Variants in USP4 observed in about 807,000 individuals in gnomAD.
USP4 encodes ubiquitin carboxyl-terminal hydrolase 4.
USP4 carries 72 observed loss-of-function variants against 118.2 expected under a neutral mutation model. The observed-to-expected ratio is 0.61, with a 90% CI of 0.50 to 0.74. The LOEUF is 0.74. Among genes scored for constraint, USP4 ranks in the 30% least tolerant of loss-of-function variants. The pLI is 0.00. For synonymous variants in USP4, 415 were observed against 440.4 expected, an observed-to-expected ratio of 0.94 and a Z score of 0.72; for missense variants, 1,037 against 1,185.7, an observed-to-expected ratio of 0.87 and a Z score of 1.84.
chr3:49,292,207 G>A (rs2047158751), intron 15 of USP4, among the ~76,000 whole-genome samples: 1 of 150,132 alleles, frequency 6.7e-6, no homozygotes, highest in African/African-American at 2.5e-5. Context: ...AATCACTTAA[G>A]CCCAAGAGTC....
At chr3:49,323,463 T>A (rs2047521986) in intron 6 of USP4, among the ~76,000 whole-genome samples, 1 of 152,070 alleles carries the variant, frequency 6.6e-6, no homozygotes, top group African/African-American at 2.4e-5. Flanking sequence ...AAGTCCCTTT[T>A]GCCATGTCAC....
chr3:49,285,092 G>A (rs2047079186), intron 16 of USP4, among the ~76,000 whole-genome samples, 173 bp from the exon 17 acceptor site: 1 of 152,002 alleles, frequency 6.6e-6, no homozygotes, highest in African/African-American at 2.4e-5. Context: ...CTGACCCCCA[G>A]CCCCAAAAAG....
intron 10 of USP4, among the ~76,000 whole-genome samples, 158 bp downstream of exon 10, chr3:49,302,226 C>T (rs1339611881): frequency 6.6e-6 from 1 of 151,470 alleles, no homozygotes; most frequent in Non-Finnish European, 1.5e-5. Context: ...CTACAGTTAG[C>T]CCCTTTCTGA....
chr3:49,339,948 G>C lies in USP4; in HGVS notation c.77C>G (p.Thr26Ser). The change falls in exon 1 of 22, where the codon ACC (threonine) becomes AGC (serine). Residue 26 changes from threonine (T) to serine (S), a missense_variant. Physicochemically the swap from Thr to Ser is moderately conservative, Grantham distance 58. This residue lies in a region of USP4 where 487 missense variants were observed against 534.1 expected (regional missense o/e 0.91). Transcript: ENST00000265560. ...QKSELGPLMR[T>S]TLQRGAQWYL... ...CCACTGCGCCCCGCGTTGGAGTGTG[G>C]TCCTCATTAAGGGTCCAAGCTCGGA... The C allele has an allele frequency of 6.2e-7, 1 of 1,613,264 alleles. No homozygotes were observed. Among genetic ancestry groups the C allele is most frequent in the Non-Finnish European group, 8.5e-7 (1 of 1,179,888 alleles).
intron 1 of USP4, among the ~76,000 whole-genome samples, chr3:49,337,202 C>T (rs546834062): frequency 2.0e-5 from 3 of 151,932 alleles, no homozygotes; most frequent in South Asian, 2.1e-4. Flanking sequence ...CACTTGCACC[C>T]GGAAGACAGA....
intron 6 of USP4, among the ~76,000 whole-genome samples, chr3:49,322,228 C>A (rs1452831191): frequency 6.6e-6 from 1 of 152,202 alleles, no homozygotes; most frequent in East Asian, 1.9e-4. Flanking sequence ...TTATGCCCTG[C>A]TCTGTGTCTA....
chr3:49,296,761 T>A (rs959360920), intron 13 of USP4, among the ~76,000 whole-genome samples: 1 of 152,270 alleles, frequency 6.6e-6, no homozygotes, highest in Non-Finnish European at 1.5e-5. Flanking sequence ...GGTTGGCCCA[T>A]AGGCCCTCTG....
Position 49,286,289 on chromosome 3 carries a change from C to T in USP4, c.2009G>A (p.Gly670Asp). The change falls in exon 16 of 22, where the codon GGC becomes GAC. Residue 670 changes from glycine to aspartate, a missense_variant. By Grantham distance (94) the Gly-to-Asp change is moderately conservative. Around this residue, in one of 3 missense-constraint regions of USP4, gnomAD observed 522 missense variants for 592.6 expected, o/e 0.88. Transcript: ENST00000265560. Reference protein sequence around the residue: ...DEEEMEHQEEGKEQLSETEGS... With the variant: ...DEEEMEHQEEDKEQLSETEGS... ...TTCTGTTTCTGAAAGCTGCTCTTTG[C>T]CTTCTTCCTGATGCTCCATTTCTTC... The T allele has an allele frequency of 6.2e-7, 1 of 1,614,124 alleles. No homozygotes were observed. Among genetic ancestry groups the T allele is most frequent in the South Asian group, 1.1e-5 (1 of 91,082 alleles).
At chr3:49,323,219 G>C (rs957459060) in intron 6 of USP4, among the ~76,000 whole-genome samples, 7 of 147,886 alleles carry the variant, frequency 4.7e-5, no homozygotes, top group Non-Finnish European at 1.0e-4. Context: ...CGCCCACCTC[G>C]GCCTCCCAAA....
intron 4 of USP4, 39 bp from the exon 5 acceptor site, chr3:49,325,078 C>T (rs1260561114): frequency 6.2e-7 from 1 of 1,600,926 alleles, no homozygotes; most frequent in Admixed American, 1.7e-5. Context: ...GCTTTGTCCA[C>T]ATGCAAGGCT....
chr3:49,315,459 T>C (rs2047425394), intron 6 of USP4, among the ~76,000 whole-genome samples: 1 of 152,276 alleles, frequency 6.6e-6, no homozygotes, highest in Non-Finnish European at 1.5e-5. Flanking sequence ...TCTCCAGACC[T>C]TCAGGCAACT....
chr3:49,317,187 C>T (rs1425115158), intron 6 of USP4: 1 of 1,482,204 alleles, frequency 6.7e-7, no homozygotes, highest in Admixed American at 1.7e-5. Context: ...AGCTCTCCAG[C>T]ATCTTGAGGT....
At position 49,340,039 on chromosome 3, in the gene USP4, C is replaced by G. The variant is rs746091862; in HGVS notation, c.-15G>C. The stretch of plus-strand genomic sequence containing the variant: ...CCTTCCGCCATCTCCTCCGCGGCCC[C>G]GGCCCAGCCGGCCCGGACATCCGCC... On this transcript the variant is annotated 5_prime_UTR_variant, in exon 1 of 22. Transcript: ENST00000265560. 1 of 1,599,826 alleles carries G rather than the reference C, an allele frequency of 6.3e-7. No individual in the cohort carries two copies. Among genetic ancestry groups the G allele is most frequent in the Middle Eastern group, 1.7e-4 (1 of 5,832 alleles).
intron 13 of USP4, among the ~76,000 whole-genome samples, chr3:49,295,004 A>G (rs1467170693): frequency 6.6e-6 from 1 of 152,090 alleles, no homozygotes; most frequent in Non-Finnish European, 1.5e-5. Context: ...AAATGTATTG[A>G]GTTGGCTGGG....
chr3:49,319,291 C>T (rs1185585169), intron 6 of USP4, among the ~76,000 whole-genome samples: 1 of 152,114 alleles, frequency 6.6e-6, no homozygotes, highest in Non-Finnish European at 1.5e-5. Context: ...CTCTGTTGCC[C>T]AGGCTGGAGT....
chr3:49,277,240 G>A lies in USP4; in HGVS notation c.*1053C>T, dbSNP rs1291268662. The A allele has an allele frequency of 3.8e-6, 5 of 1,311,198 alleles. No individual in the cohort carries two copies. The highest frequency in any genetic ancestry group is 3.0e-5 in the African/African-American group (2 of 66,900). The allele number at this position is 1,311,198 out of a possible 1,614,324, so 81.2% of individuals were successfully genotyped here. A position where few individuals can be genotyped will look rare whatever the true frequency, so the allele number is the denominator to read the frequency against. Reference sequence around the variant, plus strand: ...CGGTCATCGCATGCGCGTGCCCCGCGCAGGCCCCAAACCCCCACGGATTAG... The same window carrying A: ...CGGTCATCGCATGCGCGTGCCCCGCACAGGCCCCAAACCCCCACGGATTAG... On this transcript the variant is annotated 3_prime_UTR_variant, in exon 22 of 22. Transcript: ENST00000265560.
intron 14 of USP4, 82 bp from the exon 15 acceptor site, chr3:49,292,680 T>C: frequency 1.1e-6 from 1 of 938,348 alleles, no homozygotes; most frequent in South Asian, 1.7e-5. Context: ...GGCTAAGAAG[T>C]AGTTCATAAT....
intron 6 of USP4, among the ~76,000 whole-genome samples, chr3:49,321,823 G>A (rs976817012): frequency 3.3e-5 from 5 of 151,828 alleles, no homozygotes; most frequent in Admixed American, 2.0e-4. Flanking sequence ...GTGAAACCCC[G>A]TCTCTACTAA....
At chr3:49,330,542 AG>A (rs1421783409) in intron 2 of USP4, among the ~76,000 whole-genome samples, 2 of 151,126 alleles carry the variant, frequency 1.3e-5, no homozygotes, top group Non-Finnish European at 2.9e-5. Flanking sequence ...CATGTTAGCC[AG>A]GATGGTCTCA....
Sources: gnomAD v4.1 joint callset for allele counts (sites outside exome capture counted in the v4.1 genomes callset) on GRCh38, gnomAD v4.1.1 for gene constraint, gnomAD v4.1.1 regional missense constraint, MANE v1.5 for transcripts, NCBI Gene and HGNC (gene_info 2026-07-23, HGNC 2026-07-21) for gene names.